The following PLD1 variants were observed in gnomAD, a reference collection of about 807,000 sequenced individuals.
The protein encoded by PLD1 is choline phosphatase 1.
A neutral mutation model predicts 137.1 loss-of-function variants in PLD1; 112 were observed. The ratio of observed to expected loss-of-function variants is 0.82; its 90% CI spans 0.70 to 0.96. The LOEUF (loss-of-function observed/expected upper bound fraction) is 0.96. Ranked by LOEUF, PLD1 falls within the 40% of genes least tolerant of loss-of-function variation. The probability of loss-of-function intolerance (pLI) is 0.00; values close to 1 mark genes in which losing one functional copy is unlikely to be tolerated. For missense variants in PLD1, 1,321 were observed against 1,342.0 expected, an observed-to-expected ratio of 0.98 and a Z score of 0.24; for synonymous variants, 431 against 454.7, an observed-to-expected ratio of 0.95 and a Z score of 0.66.
intron 24 of PLD1, among the ~76,000 whole-genome samples, chr3:171,616,576 C>T (rs1733129634): frequency 6.6e-6 from 1 of 152,112 alleles, no homozygotes; most frequent in African/African-American, 2.4e-5. Flanking sequence ...GAAAGGGAGT[C>T]AGACTGAGTT....
chr3:171,656,481 A>G (rs577580017), intron 21 of PLD1, among the ~76,000 whole-genome samples: 32 of 152,356 alleles, frequency 2.1e-4, no homozygotes, highest in Admixed American at 5.2e-4. Context: ...TAATTTTATT[A>G]TTTTAGAAGT....
At chr3:171,692,806 C>G (rs1338009589) in intron 12 of PLD1, among the ~76,000 whole-genome samples, 1 of 152,176 alleles carries the variant, frequency 6.6e-6, no homozygotes, top group Admixed American at 6.5e-5. Flanking sequence ...CAGGCATGAG[C>G]CACTGCACCT....
Position 171,618,186 on chromosome 3 carries a change from G to A in PLD1, c.2728+2200C>T, listed in dbSNP as rs148020667. On this transcript the variant is annotated intron_variant, in intron 24 of 26. Transcript: ENST00000351298. ...TTAGACTCCCAGGGCCATATCCTCA[G>A]TTTCAAGAGAATGTGTAAGAATTGT... Among the ~76,000 whole-genome samples, 78 of 152,310 alleles carry A rather than the reference G, an allele frequency of 5.1e-4. 2 individuals are homozygous for A. In the East Asian group the frequency reaches 0.015, roughly 29 times the overall value.
intron 23 of PLD1, among the ~76,000 whole-genome samples, chr3:171,623,189 T>C (rs1733778036): frequency 6.6e-6 from 1 of 152,038 alleles, no homozygotes; most frequent in East Asian, 1.9e-4. Flanking sequence ...GGTAATGTAA[T>C]GGTAAAAATG....
chr3:171,745,109 T>C (rs59874057), intron 1 of PLD1, among the ~76,000 whole-genome samples: 2,180 of 152,350 alleles, frequency 0.014, 58 homozygotes, highest in African/African-American at 0.05. Context: ...TAGAGTTAAA[T>C]ATTTCCCTCT....
At chr3:171,625,747 G>C (rs1734048068) in intron 23 of PLD1, among the ~76,000 whole-genome samples, 1 of 152,228 alleles carries the variant, frequency 6.6e-6, no homozygotes, top group African/African-American at 2.4e-5. Flanking sequence ...AACAGGGTCT[G>C]GAGTGGACCT....
At chr3:171,645,883 CAAAAAAAAAAAA>C (rs1162718346) in intron 21 of PLD1, among the ~76,000 whole-genome samples, 4 of 59,204 alleles carry the variant, frequency 6.8e-5, no homozygotes, top group Non-Finnish European at 1.4e-4. Flanking sequence ...GACTCCATCT[CAAAAAAAAAAAA>C]AAAAAAAAAA....
At chr3:171,772,746 C>T (rs1206916104) in intron 1 of PLD1, among the ~76,000 whole-genome samples, 2 of 152,108 alleles carry the variant, frequency 1.3e-5, no homozygotes, top group South Asian at 2.1e-4. Flanking sequence ...AGCAGCTATG[C>T]GAGCACATTA....
At chr3:171,628,233 C>T (rs182785180) in intron 23 of PLD1, among the ~76,000 whole-genome samples, 69 of 152,262 alleles carry the variant, frequency 4.5e-4, no homozygotes, top group Admixed American at 6.5e-4. Flanking sequence ...CTACAAACAC[C>T]GCTACGCAAA....
chr3:171,713,338 G>A (rs370270265), intron 9 of PLD1, among the ~76,000 whole-genome samples: 2 of 152,188 alleles, frequency 1.3e-5, no homozygotes, highest in Admixed American at 1.3e-4. Flanking sequence ...GCAGGCGCCT[G>A]TAGTCCCAGC....
chr3:171,603,028 T>C lies in PLD1; in HGVS notation c.*50A>G, dbSNP rs1031372295. Reference sequence around the variant, plus strand: ...ATGACATCCCCAGGAAGTCACTGTGTGCAGTGTGGTCTCCAGGGTGGAAGT... The same window carrying C: ...ATGACATCCCCAGGAAGTCACTGTGCGCAGTGTGGTCTCCAGGGTGGAAGT... On this transcript the variant is annotated 3_prime_UTR_variant, in exon 27 of 27. Coordinates refer to ENST00000351298, the MANE Select transcript of PLD1 (RefSeq NM_002662.5). 1.5e-6 allele frequency: 2 copies of C among 1,311,952 alleles called. No homozygotes were observed. Among genetic ancestry groups the C allele is most frequent in the South Asian group, 1.2e-5 (1 of 84,928 alleles). The allele number at this position is 1,311,952 out of a possible 1,614,324, so 81.3% of individuals were successfully genotyped here. A position where few individuals can be genotyped will look rare whatever the true frequency, so the allele number is the denominator to read the frequency against.
chr3:171,643,053 C>A, intron 22 of PLD1, 164 bp from the exon 23 acceptor site: 1 of 535,670 alleles, frequency 1.9e-6, no homozygotes. Context: ...ATGAATATCA[C>A]TTTTGTAATG....
rs995862206 is a variant in PLD1 at position 171,687,374 on chromosome 3, A to G, written c.1750T>C (p.Ser584Pro). 2 of 1,613,118 alleles carry G rather than the reference A, an allele frequency of 1.2e-6. No individual in the cohort carries two copies. Among genetic ancestry groups the G allele is most frequent in the African/African-American group, 2.7e-5 (2 of 74,918 alleles). ...TCTAGTCAAGGCCATGACTTACTGG[A>G]GGTGCTGTCAATGCTGCTGATGCTA... ...ADSISSIDST[S>P]SYFNHYRSHH... is the part of the protein sequence containing the mutation. The change falls in exon 15 of 27, where the codon TCC (serine) becomes CCC (proline). Residue 584 changes from serine (S) to proline (P), a missense_variant. Coordinates refer to ENST00000351298, the MANE Select transcript of PLD1 (RefSeq NM_002662.5).
intron 1 of PLD1, 29 bp from the exon 2 acceptor site, chr3:171,738,111 C>T: frequency 7.4e-7 from 1 of 1,350,490 alleles, no homozygotes; most frequent in South Asian, 1.3e-5. Flanking sequence ...GTTACAAAGA[C>T]TTAGCATTTT....
chr3:171,680,328 G>A (rs1713850320), intron 16 of PLD1, among the ~76,000 whole-genome samples: 1 of 137,696 alleles, frequency 7.3e-6, no homozygotes, highest in East Asian at 2.4e-4. Context: ...CCAGGGCCAA[G>A]TGTTCAAGCA....
At position 171,639,848 on chromosome 3, in the gene PLD1, C is replaced by CTCTCTATATATATA. The variant is rs3050415; in HGVS notation, c.2593+2991_2593+2992insTATATATATAGAGA. ...TCTCTCTCTCTCTCTCTCTCTCTCT[C>CTCTCTATATATATA]TATATATATATATATATCTCCTATT... is the stretch of plus-strand genomic sequence containing the variant. On this transcript the variant is annotated intron_variant, in intron 23 of 26. Coordinates refer to ENST00000351298, the MANE Select transcript of PLD1 (RefSeq NM_002662.5). Among the ~76,000 whole-genome samples, 545 of 110,108 alleles carry CTCTCTATATATATA rather than the reference C, an allele frequency of 4.9e-3. 8 individuals are homozygous for CTCTCTATATATATA. The highest frequency in any genetic ancestry group is 0.021 in the African/African-American group (527 of 25,408). 72.2% of individuals were successfully genotyped at this position (110,108 alleles called of 152,430 possible). A position where few individuals can be genotyped will look rare whatever the true frequency, so the allele number is the denominator to read the frequency against.
intron 1 of PLD1, among the ~76,000 whole-genome samples, chr3:171,775,228 A>G (rs1245297707): frequency 1.3e-5 from 2 of 152,132 alleles, no homozygotes; most frequent in Admixed American, 6.5e-5. Context: ...AGGATTTTTC[A>G]TATCACATTA....
At chr3:171,689,514 T>C (rs1032805275) in intron 13 of PLD1, among the ~76,000 whole-genome samples, 22 of 136,940 alleles carry the variant, frequency 1.6e-4, no homozygotes, top group East Asian at 6.3e-4. Context: ...TTCCTTCCTT[T>C]CTTTCTTTCT....
intron 21 of PLD1, among the ~76,000 whole-genome samples, chr3:171,650,080 C>A (rs775769407): frequency 1.1e-4 from 16 of 152,176 alleles, no homozygotes; most frequent in Non-Finnish European, 2.2e-4. Flanking sequence ...AGGCATTGCT[C>A]CCGGGGTGGC....
Sources: allele counts gnomAD v4.1 joint callset (sites outside exome capture counted in the v4.1 genomes callset), GRCh38; gene constraint gnomAD v4.1.1; transcripts MANE v1.5; gene names NCBI Gene and HGNC (gene_info 2026-07-23, HGNC 2026-07-21).